SDK1: variants seen among roughly 807,000 people sequenced by gnomAD.
SDK1 encodes sidekick cell adhesion molecule 1, also known as protein sidekick-1.
In SDK1, 157 loss-of-function variants were observed where a neutral mutation model predicts 245.5. The observed-to-expected ratio is 0.64, with a 90% confidence interval of 0.56 to 0.73. The LOEUF (loss-of-function observed/expected upper bound fraction) is 0.73. SDK1 is among the 30% of genes least tolerant of loss of function. The pLI is 0.00. For missense variants in SDK1, 3,583 were observed against 3,002.3 expected (o/e 1.19, Z -4.52); for synonymous variants, 1,647 against 1,278.5 (o/e 1.29, Z -6.15).
intron 5 of SDK1, among the ~76,000 whole-genome samples, chr7:3,839,969 G>T (rs926235026): frequency 1.3e-5 from 2 of 152,150 alleles, no homozygotes; most frequent in Admixed American, 6.5e-5. Flanking sequence ...AAGGAATGAT[G>T]TAAAATTTGC....
chr7:3,510,061 G>T lies in SDK1; in HGVS notation c.299-109019G>T, dbSNP rs576732117. On this transcript the variant is annotated intron_variant, in intron 1 of 44. Transcript: ENST00000404826. ...GTTGACAACCATTGACTTAGAACTG[G>T]GAGGGGGCTCCCTTATTCTCTTGTT... 2.6e-4 allele frequency among the ~76,000 whole-genome samples: 39 copies of T among 152,284 alleles called. 1 individual carries two copies. The South Asian group carries it at 8.1e-3, about 32-fold the overall frequency.
chr7:4,250,878 CCCA>C (rs543009662), intron 44 of SDK1, among the ~76,000 whole-genome samples: 1 of 152,184 alleles, frequency 6.6e-6, no homozygotes, highest in East Asian at 1.9e-4. Flanking sequence ...TGCAATCATC[CCCA>C]CAATTTTGGA....
intron 1 of SDK1, among the ~76,000 whole-genome samples, chr7:3,558,871 G>T (rs2128625448): frequency 6.6e-6 from 1 of 152,220 alleles, no homozygotes. Flanking sequence ...AATTTTTGTA[G>T]ACTGCTATAT....
Position 3,384,749 on chromosome 7 carries a change from A to G in SDK1, c.298+82865A>G, listed in dbSNP as rs139689837. 5.1e-3 allele frequency among the ~76,000 whole-genome samples: 779 copies of G among 152,362 alleles called. 8 individuals are homozygous for G. The highest frequency in any genetic ancestry group is 0.017 in the African/African-American group (720 of 41,584). On this transcript the variant is annotated intron_variant, in intron 1 of 44. Transcript: ENST00000404826. ...CACTTACACCTACGTGTACATATGT[A>G]TATAAATATACCAGTATACATCAAT...
At chr7:3,946,624 A>AT (rs1249224480) in intron 5 of SDK1, among the ~76,000 whole-genome samples, 1 of 152,094 alleles carries the variant, frequency 6.6e-6, no homozygotes, top group Non-Finnish European at 1.5e-5. Flanking sequence ...GCCAAAAATC[A>AT]TTTTTTACCT....
intron 44 of SDK1, among the ~76,000 whole-genome samples, chr7:4,264,793 C>G (rs1181191982): frequency 6.6e-6 from 1 of 151,940 alleles, no homozygotes; most frequent in Non-Finnish European, 1.5e-5. Context: ...GGTGAGGAGA[C>G]CATGTAGATT....
chr7:3,866,049 T>C (rs1226796825), intron 5 of SDK1, among the ~76,000 whole-genome samples: 1 of 152,126 alleles, frequency 6.6e-6, no homozygotes, highest in African/African-American at 2.4e-5. Flanking sequence ...GGAGGCAGAG[T>C]GACAGAATAC....
chr7:3,859,841 G>A (rs571204993), intron 5 of SDK1, among the ~76,000 whole-genome samples: 5 of 151,660 alleles, frequency 3.3e-5, no homozygotes, highest in Non-Finnish European at 7.4e-5. Flanking sequence ...ATACAAAACT[G>A]TACATCCTTA....
intron 19 of SDK1, among the ~76,000 whole-genome samples, chr7:4,060,024 C>T (rs1353775854): frequency 2.0e-5 from 3 of 151,888 alleles, no homozygotes; most frequent in Non-Finnish European, 2.9e-5. Context: ...GGATTACAGG[C>T]GCCCACCACC....
At chr7:4,142,077 C>T (rs896255964) in intron 28 of SDK1, among the ~76,000 whole-genome samples, 1 of 152,044 alleles carries the variant, frequency 6.6e-6, no homozygotes, top group African/African-American at 2.4e-5. Flanking sequence ...TTTTTTCACA[C>T]GGTGAAGAAG....
chr7:4,044,850 T>G (rs1562719993), intron 17 of SDK1, among the ~76,000 whole-genome samples: 1 of 152,222 alleles, frequency 6.6e-6, no homozygotes, highest in East Asian at 1.9e-4. Context: ...CAAACATCTT[T>G]AGCCCACATT....
At chr7:3,520,457 G>C (rs1443400865) in intron 1 of SDK1, among the ~76,000 whole-genome samples, 2 of 152,184 alleles carry the variant, frequency 1.3e-5, no homozygotes, top group Admixed American at 1.3e-4. Flanking sequence ...ACTCTGCTGT[G>C]TTTGGTGGTG....
intron 25 of SDK1, among the ~76,000 whole-genome samples, chr7:4,118,269 G>A (rs1042792499): frequency 3.3e-5 from 5 of 152,190 alleles, no homozygotes; most frequent in Middle Eastern, 6.8e-3. Flanking sequence ...GCAAAGGATC[G>A]GCATAGACAT....
At chr7:3,973,929 C>T (rs940164408) in intron 12 of SDK1, among the ~76,000 whole-genome samples, 1 of 152,000 alleles carries the variant, frequency 6.6e-6, no homozygotes, top group Non-Finnish European at 1.5e-5. Flanking sequence ...GGCCTGTAAT[C>T]CCAGCAGTTT....
At position 3,370,605 on chromosome 7, in the gene SDK1, C is replaced by T. The variant is rs367828950; in HGVS notation, c.298+68721C>T. Among the ~76,000 whole-genome samples, 7 of 152,280 alleles carry T rather than the reference C, an allele frequency of 4.6e-5. 1 individual carries two copies. The South Asian group carries it at 6.2e-4, about 14-fold the overall frequency. On this transcript the variant is annotated intron_variant, in intron 1 of 44. Transcript: ENST00000404826. Reference sequence around the variant, plus strand: ...TACCGCTTCCAAATTCTCGTTAAAACGTCCAGCAGTTGTGCTATAAAGCAA... The same window carrying T: ...TACCGCTTCCAAATTCTCGTTAAAATGTCCAGCAGTTGTGCTATAAAGCAA...
chr7:3,676,699 A>G (rs1322085603), intron 4 of SDK1, among the ~76,000 whole-genome samples: 1 of 152,182 alleles, frequency 6.6e-6, no homozygotes, highest in African/African-American at 2.4e-5. Context: ...TTTGTATATG[A>G]TGATAGAAAG....
chr7:4,224,117 C>T (rs1206324613), intron 40 of SDK1, among the ~76,000 whole-genome samples: 2 of 152,338 alleles, frequency 1.3e-5, no homozygotes, highest in African/African-American at 2.4e-5. Context: ...GACACGAGTT[C>T]CCAGGAACCT....
chr7:3,679,940 A>G (rs1784048256), intron 4 of SDK1, among the ~76,000 whole-genome samples: 1 of 152,214 alleles, frequency 6.6e-6, no homozygotes, highest in Non-Finnish European at 1.5e-5. Context: ...GTATTGACAC[A>G]AAAATGCACA....
At chr7:3,544,708 C>T (rs1172914103) in intron 1 of SDK1, among the ~76,000 whole-genome samples, 1 of 152,196 alleles carries the variant, frequency 6.6e-6, no homozygotes, top group Non-Finnish European at 1.5e-5. Context: ...TATGCTACAG[C>T]ACTTACCAAC....
Sources: gnomAD v4.1 joint callset for allele counts (sites outside exome capture counted in the v4.1 genomes callset) on GRCh38, gnomAD v4.1.1 for gene constraint, MANE v1.5 for transcripts, NCBI Gene and HGNC (gene_info 2026-07-23, HGNC 2026-07-21) for gene names.